The following RSU1 variants were observed in gnomAD, a reference collection of about 807,000 sequenced individuals.
RSU1 encodes rsu-1.
RSU1 carries 26 observed loss-of-function variants against 31.1 expected under a neutral mutation model. The observed-to-expected ratio is 0.84, with a 90% CI of 0.61 to 1.16. RSU1 has a LOEUF of 1.16. RSU1 is among the 50% of genes most tolerant of loss of function. The pLI is 0.00. For synonymous variants in RSU1, 164 were observed against 136.3 expected (o/e 1.20, Z -1.41); for missense variants, 320 against 339.1 (o/e 0.94, Z 0.44).
Position 16,591,860 on chromosome 10 carries a change from A to C in RSU1, c.*1534T>G, listed in dbSNP as rs893916720. Reference sequence around the variant, plus strand: ...GCTCAAAAGTCAATTAAAAAAATTCAGGCAGAGGCATACATGGCACCTATA... The same window carrying C: ...GCTCAAAAGTCAATTAAAAAAATTCCGGCAGAGGCATACATGGCACCTATA... On this transcript the variant is annotated 3_prime_UTR_variant, in exon 9 of 9. Coordinates refer to ENST00000345264, the MANE Select transcript of RSU1 (RefSeq NM_012425.4). The C allele has an allele frequency of 6.6e-6, 1 of 152,200 alleles. No individual in the cohort carries two copies. Among genetic ancestry groups the C allele is most frequent in the African/African-American group, 2.4e-5 (1 of 41,454 alleles). The allele number at this position is 152,200 out of a possible 1,614,324, so 9.4% of individuals were successfully genotyped here.
At chr10:16,744,142 A>AG (rs1564341324) in intron 7 of RSU1, among the ~76,000 whole-genome samples, 2 of 151,974 alleles carry the variant, frequency 1.3e-5, no homozygotes, top group African/African-American at 4.8e-5. Flanking sequence ...AAAAAAAAAA[A>AG]AAAGAAAGAA....
intron 8 of RSU1, among the ~76,000 whole-genome samples, chr10:16,611,891 C>G (rs970502558): frequency 2.0e-5 from 3 of 152,226 alleles, no homozygotes; most frequent in African/African-American, 7.2e-5. Flanking sequence ...TTATAATGTA[C>G]AGCAGACTGG....
chr10:16,604,664 T>C (rs1369314992), intron 8 of RSU1, among the ~76,000 whole-genome samples: 1 of 152,070 alleles, frequency 6.6e-6, no homozygotes, highest in Non-Finnish European at 1.5e-5. Flanking sequence ...CCATTCCCAT[T>C]TGACAGGTGG....
intron 8 of RSU1, among the ~76,000 whole-genome samples, chr10:16,674,726 C>G (rs1051025957): frequency 1.3e-5 from 2 of 152,068 alleles, no homozygotes; most frequent in Admixed American, 6.6e-5. Context: ...GACAGCAAGC[C>G]TAAGGTCATT....
chr10:16,762,923 G>C (rs1304886701), intron 4 of RSU1, among the ~76,000 whole-genome samples: 1 of 151,150 alleles, frequency 6.6e-6, no homozygotes, highest in Non-Finnish European at 1.5e-5. Context: ...TGAGGGAGGA[G>C]AATCGCTTGA....
chr10:16,812,385 T>G (rs1224835913), intron 2 of RSU1, among the ~76,000 whole-genome samples: 1 of 152,190 alleles, frequency 6.6e-6, no homozygotes, highest in Admixed American at 6.5e-5. Context: ...GAGGCTGCAG[T>G]GAGCAGAGAT....
Position 16,633,491 on chromosome 10 carries a change from G to A in RSU1, c.732-39995C>T, listed in dbSNP as rs180723997. On this transcript the variant is annotated intron_variant, in intron 8 of 8. Transcript: ENST00000345264. ...AAAACATCCAGAGCTGTTACCCCAA[G>A]CTAGCTTTAGTCTTTCTTCTTATCA... Among the ~76,000 whole-genome samples the A allele has an allele frequency of 7.8e-4, 118 of 152,136 alleles. 1 individual carries two copies. The highest frequency in any genetic ancestry group is 2.6e-4 in the Non-Finnish European group (18 of 68,014).
chr10:16,594,176 A>AAACTT (rs1296771118), intron 8 of RSU1, among the ~76,000 whole-genome samples: 1 of 152,194 alleles, frequency 6.6e-6, no homozygotes, highest in Non-Finnish European at 1.5e-5. Flanking sequence ...AATACAGCTC[A>AAACTT]AACTTAACTC....
chr10:16,784,029 C>T (rs1837715470), intron 2 of RSU1, among the ~76,000 whole-genome samples: 1 of 152,064 alleles, frequency 6.6e-6, no homozygotes, highest in African/African-American at 2.4e-5. Flanking sequence ...CTTTCGTGAC[C>T]TTGGCAATTG....
At chr10:16,696,547 AAG>A (rs1315365740) in intron 7 of RSU1, among the ~76,000 whole-genome samples, 2 of 152,196 alleles carry the variant, frequency 1.3e-5, no homozygotes, top group East Asian at 3.8e-4. Flanking sequence ...ACTAAATATC[AAG>A]AGAGAGTAAT....
At chr10:16,722,420 A>G (rs1352935222) in intron 7 of RSU1, among the ~76,000 whole-genome samples, 1 of 152,186 alleles carries the variant, frequency 6.6e-6, no homozygotes, top group Non-Finnish European at 1.5e-5. Flanking sequence ...TGGTGGATGT[A>G]TGAATGGTGG....
chr10:16,622,496 G>A (rs990644387), intron 8 of RSU1, among the ~76,000 whole-genome samples: 6 of 152,160 alleles, frequency 3.9e-5, no homozygotes, highest in African/African-American at 7.2e-5. Flanking sequence ...CAATTTCTCT[G>A]GATATGTGAT....
chr10:16,693,310 C>G (rs1021371788), intron 8 of RSU1, among the ~76,000 whole-genome samples: 2 of 152,160 alleles, frequency 1.3e-5, no homozygotes, highest in Non-Finnish European at 2.9e-5. Context: ...AACATGGCCA[C>G]AGCAAGTGCT....
intron 7 of RSU1, among the ~76,000 whole-genome samples, chr10:16,729,706 G>A (rs1044932749): frequency 6.6e-6 from 1 of 152,108 alleles, no homozygotes; most frequent in African/African-American, 2.4e-5. Context: ...TCTTTTTTAT[G>A]GCATTGATAT....
At chr10:16,817,188 G>C (rs1231564208) in intron 1 of RSU1, 104 bp from the exon 2 acceptor site, 2 of 831,746 alleles carry the variant, frequency 2.4e-6, no homozygotes, top group South Asian at 2.9e-5. Context: ...GGGTTGGAGC[G>C]GGTGGGCGTC....
intron 3 of RSU1, among the ~76,000 whole-genome samples, chr10:16,768,231 C>CT (rs1298002034): frequency 6.6e-6 from 1 of 152,180 alleles, no homozygotes; most frequent in East Asian, 1.9e-4. Flanking sequence ...CTCTCTGGGC[C>CT]TCTGTAAAAT....
Position 16,782,076 on chromosome 10 carries a change from A to G in RSU1, c.118T>C (p.Ser40Pro). The stretch of plus-strand genomic sequence containing the variant: ...CTGAGGACCAGTTGTGTGATATGGG[A>G]TAAGGTAACTAAAAAGAAAAGAAAA... Reference protein sequence around the residue: ...MLDVNGLFTLSHITQLVLSHN... With the variant: ...MLDVNGLFTLPHITQLVLSHN... The change falls in exon 3 of 9, where the codon TCC (serine) becomes CCC (proline). Residue 40 changes from serine (S) to proline (P), a missense_variant. Coordinates refer to ENST00000345264, the MANE Select transcript of RSU1 (RefSeq NM_012425.4). The G allele has an allele frequency of 6.2e-7, 1 of 1,611,268 alleles. No homozygotes were observed. The highest frequency in any genetic ancestry group is 8.5e-7 in the Non-Finnish European group (1 of 1,178,522).
intron 7 of RSU1, among the ~76,000 whole-genome samples, chr10:16,717,012 A>G (rs1836154692): frequency 6.6e-6 from 1 of 152,234 alleles, no homozygotes; most frequent in South Asian, 2.1e-4. Flanking sequence ...ATGTCATTGT[A>G]ATATATTACT....
intron 8 of RSU1, among the ~76,000 whole-genome samples, chr10:16,645,491 C>CGTGT (rs1834519833): frequency 6.6e-6 from 1 of 152,052 alleles, no homozygotes; most frequent in Non-Finnish European, 1.5e-5. Flanking sequence ...ATAGTCACTT[C>CGTGT]ATCTCTCATA....
Sources: gnomAD v4.1 joint callset for allele counts (sites outside exome capture counted in the v4.1 genomes callset) on GRCh38, gnomAD v4.1.1 for gene constraint, MANE v1.5 for transcripts, NCBI Gene and HGNC (gene_info 2026-07-23, HGNC 2026-07-21) for gene names.